The following MAGI1 variants were observed in gnomAD, a reference collection of about 807,000 sequenced individuals.
MAGI1 encodes the protein membrane-associated guanylate kinase, WW and PDZ domain-containing protein 1.
MAGI1 carries 58 observed loss-of-function variants against 139.9 expected under a neutral mutation model. The observed-to-expected ratio is 0.41, with a 90% CI of 0.34 to 0.52. The LOEUF (loss-of-function observed/expected upper bound fraction) is 0.52. MAGI1 is among the 20% of genes least tolerant of loss of function. The pLI is 0.12. For synonymous variants in MAGI1, 812 were observed against 737.9 expected (o/e 1.10, Z -1.63); for missense variants, 1,874 against 1,901.6 (o/e 0.99, Z 0.27).
At chr3:65,618,294 T>C (rs1373184582) in intron 2 of MAGI1, among the ~76,000 whole-genome samples, 1 of 152,122 alleles carries the variant, frequency 6.6e-6, no homozygotes, top group Non-Finnish European at 1.5e-5. Context: ...GAAGTAGGCA[T>C]GTTTACAAGC....
At chr3:65,837,879 C>A (rs1032689348) in intron 1 of MAGI1, among the ~76,000 whole-genome samples, 15 of 152,040 alleles carry the variant, frequency 9.9e-5, no homozygotes, top group Admixed American at 7.9e-4. Flanking sequence ...TCAGTTTGAC[C>A]AACCCATGAA....
intron 2 of MAGI1, among the ~76,000 whole-genome samples, chr3:65,527,947 A>G (rs2107828824): frequency 6.6e-6 from 1 of 152,078 alleles, no homozygotes; most frequent in African/African-American, 2.4e-5. Context: ...AAGAGAGATC[A>G]TAAGAAGTAC....
intron 1 of MAGI1, among the ~76,000 whole-genome samples, chr3:65,990,600 G>A (rs1293344763): frequency 5.3e-5 from 8 of 152,282 alleles, no homozygotes; most frequent in Admixed American, 2.6e-4. Context: ...TAACTATGAT[G>A]AGCCTGAACC....
At chr3:65,851,794 G>A (rs183525086) in intron 1 of MAGI1, among the ~76,000 whole-genome samples, 225 of 152,078 alleles carry the variant, frequency 1.5e-3, no homozygotes, top group Middle Eastern at 3.4e-3. Context: ...CATACAAGAT[G>A]GCCACATATG....
chr3:65,549,525 T>A, intron 2 of MAGI1: 1 of 976,230 alleles, frequency 1.0e-6, no homozygotes, highest in Non-Finnish European at 1.2e-6. Context: ...CAGCTGCTCC[T>A]TTTATGGGGC....
intron 1 of MAGI1, among the ~76,000 whole-genome samples, chr3:65,991,011 G>C (rs2066141626): frequency 6.6e-6 from 1 of 151,860 alleles, no homozygotes; most frequent in Non-Finnish European, 1.5e-5. Flanking sequence ...AAATGAGGCT[G>C]GGCACGGTGG....
chr3:65,707,312 C>T lies in MAGI1; in HGVS notation c.314-85224G>A, dbSNP rs141833758. On this transcript the variant is annotated intron_variant, in intron 1 of 22. Coordinates refer to ENST00000402939, the MANE Select transcript of MAGI1 (RefSeq NM_001033057.2). Reference sequence around the variant, plus strand: ...TAGAAGCACTTTGTCAAGAATCAAACCATGCAATTGAGATGGCAAAAGAGC... The same window carrying T: ...TAGAAGCACTTTGTCAAGAATCAAATCATGCAATTGAGATGGCAAAAGAGC... Among the ~76,000 whole-genome samples, 7 of 152,280 alleles carry T rather than the reference C, an allele frequency of 4.6e-5. No homozygotes were observed. The East Asian group carries it at 1.4e-3, about 29-fold the overall frequency.
intron 1 of MAGI1, among the ~76,000 whole-genome samples, chr3:66,025,377 C>G (rs2068197090): frequency 6.6e-6 from 1 of 151,038 alleles, no homozygotes; most frequent in African/African-American, 2.4e-5. Flanking sequence ...TGTCTCTACC[C>G]AAAAAAAAAT....
intron 1 of MAGI1, among the ~76,000 whole-genome samples, chr3:65,957,074 A>G (rs1196607080): frequency 6.6e-6 from 1 of 152,166 alleles, no homozygotes. Context: ...TCTGAGGCAT[A>G]CCCTAGAGAA....
At chr3:65,909,987 G>T (rs767095690) in intron 1 of MAGI1, among the ~76,000 whole-genome samples, 1 of 152,026 alleles carries the variant, frequency 6.6e-6, no homozygotes, top group Non-Finnish European at 1.5e-5. Context: ...TCACAACAGG[G>T]TTCACACTCC....
At chr3:65,897,731 T>C (rs560700579) in intron 1 of MAGI1, among the ~76,000 whole-genome samples, 13 of 151,810 alleles carry the variant, frequency 8.6e-5, no homozygotes, top group Non-Finnish European at 1.8e-4. Flanking sequence ...GGCATGGTGG[T>C]GTACCCCTGC....
chr3:65,874,343 A>T (rs747550090), intron 1 of MAGI1: 1 of 152,198 alleles, frequency 6.6e-6, no homozygotes. Context: ...GATGACCCAC[A>T]GAATGAGAGA....
chr3:65,637,520 T>C (rs2084695287), intron 1 of MAGI1, among the ~76,000 whole-genome samples: 1 of 148,496 alleles, frequency 6.7e-6, no homozygotes, highest in African/African-American at 2.5e-5. Context: ...CATCACTGCA[T>C]TTCAGCCTAG....
intron 5 of MAGI1, among the ~76,000 whole-genome samples, chr3:65,462,155 G>T: frequency 6.6e-6 from 1 of 152,004 alleles, no homozygotes; most frequent in East Asian, 1.9e-4. Context: ...GGCTTTTGTT[G>T]CCATTGCTTT....
intron 2 of MAGI1, among the ~76,000 whole-genome samples, chr3:65,561,671 C>T (rs1213451043): frequency 5.9e-5 from 9 of 152,126 alleles, no homozygotes; most frequent in Admixed American, 5.2e-4. Flanking sequence ...TTATACATGA[C>T]AAAACTAAGA....
At chr3:65,858,421 T>C (rs2059439354) in intron 1 of MAGI1, among the ~76,000 whole-genome samples, 1 of 152,234 alleles carries the variant, frequency 6.6e-6, no homozygotes, top group East Asian at 1.9e-4. Flanking sequence ...CTCTGCTGCA[T>C]TCAACTAATT....
At chr3:65,785,671 T>A (rs189824503) in intron 1 of MAGI1, among the ~76,000 whole-genome samples, 4 of 152,334 alleles carry the variant, frequency 2.6e-5, no homozygotes, top group Non-Finnish European at 4.4e-5. Flanking sequence ...ATGTCTAGCA[T>A]AATTGGCACT....
intron 2 of MAGI1, among the ~76,000 whole-genome samples, chr3:65,541,148 C>T (rs760701603): frequency 1.3e-5 from 2 of 152,090 alleles, no homozygotes; most frequent in Non-Finnish European, 2.9e-5. Flanking sequence ...AACATCTCTA[C>T]GCAAATAAAC....
At chr3:65,359,736 G>A in intron 22 of MAGI1, 1 of 985,598 alleles carries the variant, frequency 1.0e-6, no homozygotes, top group Non-Finnish European at 1.2e-6. Context: ...AACCCTTCTT[G>A]GAAAACCATG....
Sources: gnomAD v4.1 joint callset for allele counts (sites outside exome capture counted in the v4.1 genomes callset) on GRCh38, gnomAD v4.1.1 for gene constraint, MANE v1.5 for transcripts, NCBI Gene and HGNC (gene_info 2026-07-23, HGNC 2026-07-21) for gene names.